MCPH1: variants seen among roughly 807,000 people sequenced by gnomAD.
MCPH1 encodes the protein microcephalin.
A neutral mutation model predicts 84.5 loss-of-function variants in MCPH1; 104 were observed. The ratio of observed to expected loss-of-function variants is 1.23; its 90% CI spans 1.05 to 1.45. MCPH1 has a LOEUF of 1.45. Among genes scored for constraint, MCPH1 ranks in the 40% most tolerant of loss-of-function variants. The pLI, the probability that MCPH1 is intolerant of heterozygous loss-of-function variation, is 0.00. For synonymous variants in MCPH1, 514 were observed against 366.8 expected (o/e 1.40, Z -4.58); for missense variants, 1,498 against 1,005.7 (o/e 1.49, Z -6.62).
At chr8:6,485,324 C>CA (rs955800020) in intron 11 of MCPH1, among the ~76,000 whole-genome samples, 147 of 138,786 alleles carry the variant, frequency 1.1e-3, no homozygotes, top group African/African-American at 2.5e-3. Context: ...GACTCTGTCT[C>CA]AAAAAAAAAA....
chr8:6,592,947 G>A (rs562287933), intron 12 of MCPH1, among the ~76,000 whole-genome samples: 5 of 150,788 alleles, frequency 3.3e-5, no homozygotes, highest in African/African-American at 7.3e-5. Flanking sequence ...GATTACAGGC[G>A]TGAGCCACCG....
chr8:6,608,198 A>G (rs1829950795), intron 12 of MCPH1, among the ~76,000 whole-genome samples: 1 of 152,192 alleles, frequency 6.6e-6, no homozygotes, highest in Admixed American at 6.5e-5. Flanking sequence ...GACCCTGATG[A>G]GCTGAGCACA....
chr8:6,467,325 G>T (rs1273896382), intron 9 of MCPH1, among the ~76,000 whole-genome samples: 1 of 151,976 alleles, frequency 6.6e-6, no homozygotes, highest in Middle Eastern at 3.2e-3. Flanking sequence ...ACTTTTTTTT[G>T]AAGTTGTGTT....
intron 12 of MCPH1, among the ~76,000 whole-genome samples, chr8:6,609,171 C>T (rs1830031349): frequency 2.6e-5 from 4 of 152,068 alleles, no homozygotes; most frequent in Admixed American, 2.0e-4. Context: ...GTAGTTCTTT[C>T]CCTGTGCATT....
Position 6,621,604 on chromosome 8 carries a change from G to C in MCPH1, c.2365G>C (p.Val789Leu). The C allele has an allele frequency of 6.2e-7, 1 of 1,614,242 alleles. No individual in the cohort carries two copies. Among genetic ancestry groups the C allele is most frequent in the Non-Finnish European group, 8.5e-7 (1 of 1,180,044 alleles). ...VHLCGGRVSQVPRQASIVIGP... is the reference protein window; with the variant it reads ...VHLCGGRVSQLPRQASIVIGP... ...CCTGTGCGGAGGCCGGGTCAGCCAA[G>C]TCCCCCGCCAGGCCAGCATCGTCAT... The change falls in exon 13 of 14, where the codon GTC (valine) becomes CTC (leucine). Residue 789 changes from valine (V) to leucine (L), a missense_variant. Coordinates refer to ENST00000344683, the MANE Select transcript of MCPH1 (RefSeq NM_024596.5).
chr8:6,437,720 G>A (rs1378620859), intron 5 of MCPH1, among the ~76,000 whole-genome samples: 1 of 152,140 alleles, frequency 6.6e-6, no homozygotes, highest in Non-Finnish European at 1.5e-5. Context: ...CAAAGCTCAA[G>A]CCAGAAACGT....
intron 12 of MCPH1, among the ~76,000 whole-genome samples, chr8:6,612,520 G>A (rs1333828018): frequency 6.6e-6 from 1 of 152,136 alleles, no homozygotes; most frequent in Non-Finnish European, 1.5e-5. Flanking sequence ...CTTCAGCACC[G>A]GTGCCTGCCC....
At position 6,439,115 on chromosome 8, in the gene MCPH1, A is replaced by C. The variant is rs750281596; in HGVS notation, c.580+19A>C. 7 of 1,609,586 alleles carry C rather than the reference A, an allele frequency of 4.3e-6. No individual in the cohort carries two copies. The highest frequency in any genetic ancestry group is 4.2e-6 in the Non-Finnish European group (5 of 1,177,582). On this transcript the variant is annotated intron_variant, in intron 6 of 13. Coordinates refer to ENST00000344683, the MANE Select transcript of MCPH1 (RefSeq NM_024596.5). The stretch of plus-strand genomic sequence containing the variant: ...CCCACCTGTAAGTAATTAGTTTGTA[A>C]AATGAAAATTATGCAAATAGCCGAT...
chr8:6,408,298 A>C (rs916574702), intron 1 of MCPH1, among the ~76,000 whole-genome samples: 1 of 152,178 alleles, frequency 6.6e-6, no homozygotes, highest in Non-Finnish European at 1.5e-5. Flanking sequence ...ATGTGATCAC[A>C]TAATAGCTCA....
intron 12 of MCPH1, among the ~76,000 whole-genome samples, chr8:6,578,764 G>A (rs1827313746): frequency 6.6e-6 from 1 of 152,172 alleles, no homozygotes; most frequent in Non-Finnish European, 1.5e-5. Context: ...AGGAAGACAA[G>A]GCAGATCAAT....
intron 9 of MCPH1, among the ~76,000 whole-genome samples, chr8:6,472,403 A>G (rs957676099): frequency 6.6e-6 from 1 of 152,226 alleles, no homozygotes; most frequent in Non-Finnish European, 1.5e-5. Context: ...GTTTTTTATT[A>G]AAGTAAAAGC....
intron 11 of MCPH1, among the ~76,000 whole-genome samples, chr8:6,498,751 T>C (rs888307046): frequency 1.3e-5 from 2 of 152,210 alleles, no homozygotes; most frequent in African/African-American, 4.8e-5. Context: ...GGTCTAATTA[T>C]ATGAGCTTGT....
chr8:6,514,569 G>C (rs1334571375), intron 12 of MCPH1: 1 of 969,780 alleles, frequency 1.0e-6, no homozygotes, highest in East Asian at 2.4e-5. Flanking sequence ...TAAAAACCAT[G>C]TCAAAAGTCA....
At chr8:6,460,231 C>T (rs575496957) in intron 9 of MCPH1, among the ~76,000 whole-genome samples, 95 of 152,022 alleles carry the variant, frequency 6.2e-4, no homozygotes, top group African/African-American at 2.2e-3. Flanking sequence ...TATTTCTTTC[C>T]TCTTGTATCT....
intron 3 of MCPH1, among the ~76,000 whole-genome samples, chr8:6,421,851 ATGC>A (rs1800250635): frequency 6.6e-6 from 1 of 151,694 alleles, no homozygotes; most frequent in African/African-American, 2.4e-5. Context: ...CGTCTTCCAA[ATGC>A]TCTGGGCTTC....
At chr8:6,624,644 C>T (rs993456603) in intron 13 of MCPH1, among the ~76,000 whole-genome samples, 7 of 152,160 alleles carry the variant, frequency 4.6e-5, no homozygotes, top group Non-Finnish European at 1.0e-4. Context: ...TTTTCTCACC[C>T]TCTGCTAAAC....
chr8:6,528,796 C>G (rs780014819), intron 12 of MCPH1, among the ~76,000 whole-genome samples: 1 of 152,226 alleles, frequency 6.6e-6, no homozygotes, highest in Non-Finnish European at 1.5e-5. Context: ...TTGCTGGTGT[C>G]TTTATGTCAT....
intron 3 of MCPH1, among the ~76,000 whole-genome samples, chr8:6,420,072 C>G (rs545479541): frequency 6.6e-6 from 1 of 151,188 alleles, no homozygotes; most frequent in Non-Finnish European, 1.5e-5. Flanking sequence ...GGGAGGGGCT[C>G]GTGTATCTCG....
At chr8:6,452,774 C>T (rs1348999638) in intron 8 of MCPH1, among the ~76,000 whole-genome samples, 2 of 152,228 alleles carry the variant, frequency 1.3e-5, no homozygotes, top group African/African-American at 4.8e-5. Flanking sequence ...GGAACCCGAC[C>T]ATGGGGGCAC....
Sources: gnomAD v4.1 joint callset for allele counts (sites outside exome capture counted in the v4.1 genomes callset) on GRCh38, gnomAD v4.1.1 for gene constraint, MANE v1.5 for transcripts, NCBI Gene and HGNC (gene_info 2026-07-23, HGNC 2026-07-21) for gene names.